Variants in CLIP1 observed in about 807,000 individuals in gnomAD.
CLIP1 encodes the protein CAP-Gly domain containing linker protein 1, also known as CAP-Gly domain-containing linker protein 1.
Under a neutral mutation model 161.6 loss-of-function variants are expected in CLIP1, and 66 were observed. That is an observed-to-expected ratio of 0.41 (90% confidence interval 0.33 to 0.50). The LOEUF (loss-of-function observed/expected upper bound fraction) is 0.50. Ranked by LOEUF, CLIP1 falls within the 20% of genes least tolerant of loss-of-function variation. The probability of loss-of-function intolerance (pLI) is 0.27; values close to 1 mark genes in which losing one functional copy is unlikely to be tolerated. For synonymous variants in CLIP1, 598 were observed against 626.2 expected (o/e 0.96, Z 0.67); for missense variants, 1,376 against 1,702.0 (o/e 0.81, Z 3.37).
intron 14 of CLIP1, among the ~76,000 whole-genome samples, chr12:122,333,380 G>C (rs914648007): frequency 6.6e-6 from 1 of 152,188 alleles, no homozygotes; most frequent in Non-Finnish European, 1.5e-5. Flanking sequence ...AAGGAGGTTA[G>C]AATCTCAGAT....
At chr12:122,403,499 GTTTT>G (rs11302150) in intron 1 of CLIP1, among the ~76,000 whole-genome samples, 5 of 72,304 alleles carry the variant, frequency 6.9e-5, no homozygotes, top group African/African-American at 1.4e-4. Context: ...TTCTTGTTTT[GTTTT>G]TTTTTTTTTT....
Position 122,336,643 on chromosome 12 carries a change from G to C in CLIP1, c.2557C>G (p.Leu853Val). The C allele has an allele frequency of 6.3e-7, 1 of 1,591,538 alleles. No individual in the cohort carries two copies. Among genetic ancestry groups the C allele is most frequent in the South Asian group, 1.1e-5 (1 of 90,058 alleles). ...SQVKETLEKE[L>V]QILKEKFAEA... ...CAACAGGTACTTACCAAAATCTGAA[G>C]TTCTTTTTCCAAAGTCTCTTTCACT... The change falls in exon 12 of 26, where the codon CTT (leucine) becomes GTT (valine). Residue 853 changes from leucine to valine, a missense_variant. Physicochemically the swap from Leu to Val is conservative, Grantham distance 32. This residue lies in a region of CLIP1 where 948 missense variants were observed against 1,134.8 expected (regional missense o/e 0.84). Transcript: ENST00000620786.
At chr12:122,315,562 C>T (rs974794221) in intron 19 of CLIP1, among the ~76,000 whole-genome samples, 79 of 152,140 alleles carry the variant, frequency 5.2e-4, no homozygotes, top group Non-Finnish European at 2.5e-4. Flanking sequence ...AACCACGTAA[C>T]AAATTGATGT....
chr12:122,399,835 G>GT (rs1856267805), intron 1 of CLIP1: 1 of 152,148 alleles, frequency 6.6e-6, no homozygotes, highest in Admixed American at 6.5e-5. Flanking sequence ...CTAAAATGCT[G>GT]TATGTCCATG....
In CLIP1 at chr12:122,294,541, C is replaced by T. The variant is rs532361513; in HGVS notation, c.3595-6000G>A. On this transcript the variant is annotated intron_variant, in intron 20 of 25. Transcript: ENST00000620786. ...ACTCTGGGAGGCCAAGGCAGGATGA[C>T]CACTTGAGCCCAGGAGTTCGAGACC... Among the ~76,000 whole-genome samples, 105 of 152,038 alleles carry T rather than the reference C, an allele frequency of 6.9e-4. 1 individual carries two copies. Among genetic ancestry groups the T allele is most frequent in the South Asian group, 1.0e-3 (5 of 4,800 alleles).
chr12:122,370,722 C>T lies in CLIP1; in HGVS notation c.658-6615G>A, dbSNP rs561044997. Among the ~76,000 whole-genome samples the T allele has an allele frequency of 7.9e-5, 12 of 152,262 alleles. No individual in the cohort carries two copies. In the South Asian group the frequency reaches 2.3e-3, roughly 29 times the overall value. On this transcript the variant is annotated intron_variant, in intron 3 of 25. Coordinates refer to ENST00000620786, the MANE Select transcript of CLIP1 (RefSeq NM_001247997.2). ...GGCTAAAAGATGATGTTTTACTTGA[C>T]TTGCACTTTATGTCTCGGAACTACT...
Position 122,355,373 on chromosome 12 carries a change from C to T in CLIP1, c.1006-61G>A, listed in dbSNP as rs1332876382. The T allele has an allele frequency of 1.8e-5, 27 of 1,476,532 alleles. 1 individual carries two copies. The highest frequency in any genetic ancestry group is 1.4e-4 in the South Asian group (12 of 84,138). The allele number at this position is 1,476,532 out of a possible 1,614,324, so 91.5% of individuals were successfully genotyped here. On this transcript the variant is annotated intron_variant, in intron 5 of 25. Transcript: ENST00000620786. This position sits in a 1 kb window ranked among gnomAD's most constrained non-coding sequence, Gnocchi z 4.1. ...TGCTGTCAGAAAAGCGAGGGAGGCG[C>T]GATGCATGCATGGCGGGCATCTGCT...
intron 1 of CLIP1, among the ~76,000 whole-genome samples, chr12:122,409,343 C>G (rs1956443461): frequency 6.6e-6 from 1 of 151,742 alleles, no homozygotes; most frequent in African/African-American, 2.4e-5. Flanking sequence ...CTAGGCTGGT[C>G]TCAAACTCCT....
intron 15 of CLIP1, among the ~76,000 whole-genome samples, chr12:122,329,654 TTAAATAAA>T (rs147323453): frequency 2.9e-4 from 43 of 150,680 alleles, no homozygotes; most frequent in African/African-American, 6.1e-4. Flanking sequence ...ATTAATTAAC[TTAAATAAA>T]TAAATAAATA....
Position 122,355,422 on chromosome 12 carries a change from A to C in CLIP1, c.1006-110T>G. 2 of 932,930 alleles carry C rather than the reference A, an allele frequency of 2.1e-6. No homozygotes were observed. The highest frequency in any genetic ancestry group is 3.2e-5 in the South Asian group (2 of 62,764). 57.8% of individuals were successfully genotyped at this position (932,930 alleles called of 1,614,324 possible). A position where few individuals can be genotyped will look rare whatever the true frequency, so the allele number is the denominator to read the frequency against. On this transcript the variant is annotated intron_variant, in intron 5 of 25. Transcript: ENST00000620786. This position sits in a 1 kb window ranked among gnomAD's most constrained non-coding sequence, Gnocchi z 4.1. ...CTCGGCAAAGCAAGGGCGCTGCTCCAGCTGGCAGGCTGGCCAGGATTAGGA... is the reference window on the plus strand; with the variant it reads ...CTCGGCAAAGCAAGGGCGCTGCTCCCGCTGGCAGGCTGGCCAGGATTAGGA...
At chr12:122,386,744 A>G (rs1955278638) in intron 1 of CLIP1, among the ~76,000 whole-genome samples, 1 of 151,836 alleles carries the variant, frequency 6.6e-6, no homozygotes, top group African/African-American at 2.4e-5. Context: ...TCACATCTGT[A>G]ATCCCAAGAC....
intron 12 of CLIP1, 133 bp downstream of exon 12, chr12:122,336,499 A>G: frequency 1.6e-6 from 1 of 616,058 alleles, no homozygotes. Context: ...TTATCAGCCA[A>G]TAACTAATAC....
chr12:122,287,499 T>TA (rs1955906919), intron 21 of CLIP1, among the ~76,000 whole-genome samples: 1 of 152,226 alleles, frequency 6.6e-6, no homozygotes, highest in African/African-American at 2.4e-5. Context: ...ACTGTTGTAA[T>TA]ATGCACCCAT....
chr12:122,320,233 C>T (rs1252374165), intron 17 of CLIP1, among the ~76,000 whole-genome samples: 4 of 149,122 alleles, frequency 2.7e-5, no homozygotes, highest in Non-Finnish European at 5.9e-5. Flanking sequence ...CGCCACTGCA[C>T]TCCAGCCTGG....
intron 25 of CLIP1, 92 bp from the exon 26 acceptor site, chr12:122,273,192 C>G (rs979997830): frequency 1.1e-5 from 10 of 951,638 alleles, no homozygotes; most frequent in Non-Finnish European, 1.6e-5. Context: ...TAAGCAAGAA[C>G]TAATTATGGC....
At chr12:122,283,774 T>A (rs1335272074) in intron 21 of CLIP1, among the ~76,000 whole-genome samples, 1 of 152,144 alleles carries the variant, frequency 6.6e-6, no homozygotes, top group African/African-American at 2.4e-5. Context: ...GATAACCAGT[T>A]TAATCCTACA....
chr12:122,406,749 A>T (rs1039414131), intron 1 of CLIP1, among the ~76,000 whole-genome samples: 3 of 152,148 alleles, frequency 2.0e-5, no homozygotes, highest in Admixed American at 2.0e-4. Flanking sequence ...CAGGATTAAA[A>T]ACTAACCCAG....
chr12:122,376,127 G>A (rs189701631), intron 3 of CLIP1, among the ~76,000 whole-genome samples: 7 of 152,150 alleles, frequency 4.6e-5, no homozygotes, highest in Non-Finnish European at 8.8e-5. Context: ...TAGTAGAGAC[G>A]GGGTGTCGCC....
Position 122,323,712 on chromosome 12 carries a change from C to A in CLIP1, c.3249+4235G>T, listed in dbSNP as rs747949080. 3.0e-4 allele frequency: 46 copies of A among 152,634 alleles called. No individual in the cohort carries two copies. Among genetic ancestry groups the A allele is most frequent in the African/African-American group, 1.1e-3 (46 of 41,436 alleles). The allele number at this position is 152,634 out of a possible 1,614,324, so 9.5% of individuals were successfully genotyped here. ...ACCTTTAAGGCTATGCACGTGTTAT[C>A]GAGATTGGACAATTTCTCTAAAGCT... On this transcript the variant is annotated intron_variant, in intron 17 of 25. Coordinates refer to ENST00000620786, the MANE Select transcript of CLIP1 (RefSeq NM_001247997.2). The surrounding 1 kb of genome is among the most constrained non-coding windows in gnomAD (Gnocchi z 4.1).
Sources: allele counts gnomAD v4.1 joint callset (sites outside exome capture counted in the v4.1 genomes callset), GRCh38; gene constraint gnomAD v4.1.1; regional missense constraint gnomAD v4.1.1; non-coding constraint Gnocchi (gnomAD v3.1); transcripts MANE v1.5; gene names NCBI Gene and HGNC (gene_info 2026-07-23, HGNC 2026-07-21).